MTMR4: variants seen among roughly 807,000 people sequenced by gnomAD.
MTMR4 encodes phosphatidylinositol-3,5-bisphosphate 3-phosphatase MTMR4.
Under a neutral mutation model 125.5 loss-of-function variants are expected in MTMR4, and 30 were observed. The ratio of observed to expected loss-of-function variants is 0.24; its 90% CI spans 0.18 to 0.32. The LOEUF is 0.32. Among genes scored for constraint, MTMR4 ranks in the 10% least tolerant of loss-of-function variants. The pLI is 1.00. For missense variants in MTMR4, 1,039 were observed against 1,511.5 expected (o/e 0.69, Z 5.18); for synonymous variants, 498 against 564.5 (o/e 0.88, Z 1.67).
At chr17:58,502,490 A>G (rs1403992211) in intron 14 of MTMR4, among the ~76,000 whole-genome samples, 1 of 149,012 alleles carries the variant, frequency 6.7e-6, no homozygotes, top group Non-Finnish European at 1.5e-5. Context: ...AGCTACACAT[A>G]TAAGGATGTA....
chr17:58,491,464 G>A lies in MTMR4; in HGVS notation c.*199C>T, dbSNP rs763328703. On this transcript the variant is annotated 3_prime_UTR_variant, in exon 18 of 18. Transcript: ENST00000682306. ...TCTGGGTTAGGACCATTACCCCAAGGTGAGGGTATCACCAGTAGAGGACCT... is the reference window on the plus strand; with the variant it reads ...TCTGGGTTAGGACCATTACCCCAAGATGAGGGTATCACCAGTAGAGGACCT... 141 of 490,450 alleles carry A rather than the reference G, an allele frequency of 2.9e-4. No homozygotes were observed. Among genetic ancestry groups the A allele is most frequent in the Non-Finnish European group, 5.4e-5 (15 of 278,694 alleles). 30.4% of individuals were successfully genotyped at this position (490,450 alleles called of 1,614,324 possible).
chr17:58,499,430 C>A (rs1975559418), intron 14 of MTMR4, among the ~76,000 whole-genome samples: 1 of 151,896 alleles, frequency 6.6e-6, no homozygotes, highest in South Asian at 2.1e-4. Context: ...ACCTGTAATC[C>A]CAGTTACTCG....
Position 58,489,955 on chromosome 17 carries a change from T to C in MTMR4, c.*1708A>G, listed in dbSNP as rs1018061704. 6.6e-6 allele frequency: 1 copy of C among 152,638 alleles called. No individual in the cohort carries two copies. Among genetic ancestry groups the C allele is most frequent in the African/African-American group, 2.4e-5 (1 of 41,452 alleles). 9.5% of individuals were successfully genotyped at this position (152,638 alleles called of 1,614,324 possible). ...GAACAGCTTGTTACTTTTTCAATGA[T>C]CTCAGGAATTTTGCAGACACAAAAT... On this transcript the variant is annotated 3_prime_UTR_variant, in exon 18 of 18. Coordinates refer to ENST00000682306, the MANE Select transcript of MTMR4 (RefSeq NM_001378067.1).
chr17:58,505,433 G>A (rs1371615336), intron 10 of MTMR4, 39 bp downstream of exon 10: 2 of 1,495,878 alleles, frequency 1.3e-6, no homozygotes, highest in East Asian at 2.3e-5. Context: ...TACTGGGTAA[G>A]GAATGAGACT....
Position 58,494,348 on chromosome 17 carries a change from A to G in MTMR4, c.3252+584T>C, listed in dbSNP as rs544162128. On this transcript the variant is annotated intron_variant, in intron 15 of 17. Transcript: ENST00000682306. ...AAAAAAAAAAAAAAAAAAATTGTAC[A>G]TTGTTGCAAGAGTCATTTTCTTAAA... 4.3e-3 allele frequency among the ~76,000 whole-genome samples: 655 copies of G among 151,136 alleles called. 3 individuals carry two copies. Among genetic ancestry groups the G allele is most frequent in the African/African-American group, 0.015 (620 of 41,176 alleles).
At position 58,493,703 on chromosome 17, in the gene MTMR4, T is replaced by C. The variant is rs1191290355; in HGVS notation, c.3253-751A>G. Among the ~76,000 whole-genome samples, 3 of 151,766 alleles carry C rather than the reference T, an allele frequency of 2.0e-5. No individual in the cohort carries two copies. The East Asian group carries it at 5.8e-4, about 29-fold the overall frequency. Reference sequence around the variant, plus strand: ...AGCTGAGTAGTTGCAACATAGACGGTATGGCCCACAAAACCTAAAATAGTT... The same window carrying C: ...AGCTGAGTAGTTGCAACATAGACGGCATGGCCCACAAAACCTAAAATAGTT... On this transcript the variant is annotated intron_variant, in intron 15 of 17. Coordinates refer to ENST00000682306, the MANE Select transcript of MTMR4 (RefSeq NM_001378067.1).
chr17:58,498,748 A>G (rs1975541286), intron 14 of MTMR4, among the ~76,000 whole-genome samples: 1 of 152,134 alleles, frequency 6.6e-6, no homozygotes, highest in South Asian at 2.1e-4. Flanking sequence ...GTCAACTAAT[A>G]TTTCAATCCC....
intron 14 of MTMR4, among the ~76,000 whole-genome samples, chr17:58,498,049 G>A (rs988398653): frequency 6.6e-6 from 1 of 152,116 alleles, no homozygotes; most frequent in Non-Finnish European, 1.5e-5. Context: ...CCAACATGGT[G>A]AAATCCCATC....
rs751751937 is a variant in MTMR4, at chr17:58,504,272, C to G, written c.1527+31G>C. 35 of 1,605,956 alleles carry G rather than the reference C, an allele frequency of 2.2e-5. No individual in the cohort carries two copies. Among genetic ancestry groups the G allele is most frequent in the Non-Finnish European group, 2.6e-5 (31 of 1,173,196 alleles). The stretch of plus-strand genomic sequence containing the variant: ...GGGGGCCTCGGGCTGTCATTCCCCC[C>G]ATCCCTGTTGTCACAGGCCTTAGGA... On this transcript the variant is annotated intron_variant, in intron 12 of 17. Coordinates refer to ENST00000682306, the MANE Select transcript of MTMR4 (RefSeq NM_001378067.1). This position sits in a 1 kb window ranked among gnomAD's most constrained non-coding sequence, Gnocchi z 7.1.
upstream of MTMR4, chr17:58,515,108 T>A: frequency 1.0e-6 from 1 of 955,954 alleles, no homozygotes; most frequent in South Asian, 4.8e-5. Flanking sequence ...GAGCTTTTTA[T>A]TCCAACGCCC....
Position 58,504,719 on chromosome 17 carries a change from C to A in MTMR4, c.1341+60G>T. On this transcript the variant is annotated intron_variant, in intron 11 of 17. Transcript: ENST00000682306. The surrounding 1 kb of genome is among the most constrained non-coding windows in gnomAD (Gnocchi z 7.1). Reference sequence around the variant, plus strand: ...AGATCCCCAGGACAGATCCAGAGGGCTCAACACCTTCCCTCCTGCCACATT... The same window carrying A: ...AGATCCCCAGGACAGATCCAGAGGGATCAACACCTTCCCTCCTGCCACATT... 1 of 1,535,046 alleles carries A rather than the reference C, an allele frequency of 6.5e-7. No individual in the cohort carries two copies.
Position 58,514,534 on chromosome 17 carries a change from G to GC in MTMR4, c.-128dup. 1 of 985,140 alleles carries GC rather than the reference G, an allele frequency of 1.0e-6. No homozygotes were observed. Among genetic ancestry groups the GC allele is most frequent in the Non-Finnish European group, 1.2e-6 (1 of 829,872 alleles). 61.0% of individuals were successfully genotyped at this position (985,140 alleles called of 1,614,324 possible). A position where few individuals can be genotyped will look rare whatever the true frequency, so the allele number is the denominator to read the frequency against. ...CAGCCGCGGCGGCCAAGAGGCTAGG[G>GC]CGCTGGTGGCCGGGCCTCCGCGCGG... On this transcript the variant is annotated 5_prime_UTR_variant, in exon 1 of 18. Coordinates refer to ENST00000682306, the MANE Select transcript of MTMR4 (RefSeq NM_001378067.1).
chr17:58,514,693 G>A (rs769135296), upstream of MTMR4: 1 of 983,270 alleles, frequency 1.0e-6, no homozygotes, highest in Non-Finnish European at 1.2e-6. Context: ...GTAGAGGCGG[G>A]GCGGCTCCGC....
chr17:58,506,099 C>G (rs960794868), intron 9 of MTMR4, among the ~76,000 whole-genome samples: 5 of 152,150 alleles, frequency 3.3e-5, no homozygotes, highest in African/African-American at 1.2e-4. Context: ...ACAGTAATGA[C>G]AAATGATAGC....
At position 58,503,538 on chromosome 17, in the gene MTMR4, A is replaced by G. The variant is rs59743392; in HGVS notation, c.1853+206T>C. 4.6e-5 allele frequency among the ~76,000 whole-genome samples: 7 copies of G among 151,980 alleles called. No individual in the cohort carries two copies. In the East Asian group the frequency reaches 1.4e-3, roughly 29 times the overall value. ...GTGGTCGGTGCCTGTAATCCAAGCT[A>G]CTCGGGAGGCTGGGGCAGGAGAATC... On this transcript the variant is annotated intron_variant, in intron 14 of 17. Transcript: ENST00000682306.
At chr17:58,502,157 ATTTTT>A (rs10706856) in intron 14 of MTMR4, among the ~76,000 whole-genome samples, 3 of 118,746 alleles carry the variant, frequency 2.5e-5, no homozygotes, top group Non-Finnish European at 5.2e-5. Flanking sequence ...GTATTTTACA[ATTTTT>A]TTTTTTTTTT....
At chr17:58,505,448 G>A (rs1286087727) in intron 10 of MTMR4, 24 bp downstream of exon 10, 2 of 1,552,978 alleles carry the variant, frequency 1.3e-6, no homozygotes, top group Admixed American at 3.4e-5. Flanking sequence ...GAGACTGGAA[G>A]GAATCCAAGT....
chr17:58,494,763 A>G (rs1975407886), intron 15 of MTMR4, among the ~76,000 whole-genome samples, 169 bp downstream of exon 15: 2 of 152,190 alleles, frequency 1.3e-5, no homozygotes, highest in African/African-American at 4.8e-5. Context: ...TGCCTCCTCA[A>G]TCATAGCACT....
chr17:58,518,046 C>T (rs1302949757), upstream of MTMR4: 1 of 152,492 alleles, frequency 6.6e-6, no homozygotes, highest in Non-Finnish European at 1.5e-5. Flanking sequence ...CGGGCAAACG[C>T]CCTCCCAGCC....
Sources: allele counts gnomAD v4.1 joint callset (sites outside exome capture counted in the v4.1 genomes callset), GRCh38; gene constraint gnomAD v4.1.1; non-coding constraint Gnocchi (gnomAD v3.1); transcripts MANE v1.5; gene names NCBI Gene and HGNC (gene_info 2026-07-23, HGNC 2026-07-21).